The following SRCAP variants were observed in gnomAD, a reference collection of about 807,000 sequenced individuals.
SRCAP encodes chromatin remodeling protein SRCAP.
A neutral mutation model predicts 263.1 loss-of-function variants in SRCAP; 46 were observed. The ratio of observed to expected loss-of-function variants is 0.17; its 90% CI spans 0.14 to 0.22. The LOEUF is 0.22. Ranked by LOEUF, SRCAP falls within the 10% of genes least tolerant of loss-of-function variation. The pLI, the probability that SRCAP is intolerant of heterozygous loss-of-function variation, is 1.00. For missense variants in SRCAP, 3,695 were observed against 4,181.9 expected (o/e 0.88, Z 3.21); for synonymous variants, 1,813 against 1,662.1 (o/e 1.09, Z -2.21).
chr16:30,714,008 C>T (rs2151289376), intron 16 of SRCAP, among the ~76,000 whole-genome samples: 1 of 151,414 alleles, frequency 6.6e-6, no homozygotes, highest in South Asian at 2.1e-4. Flanking sequence ...CACCATTCTC[C>T]TGCCTCAGCC....
At position 30,739,665 on chromosome 16, in the gene SRCAP, C is replaced by T. The variant is rs750009576; in HGVS notation, c.9625C>T (p.Arg3209Cys). ...CAACCAAGGGGACCAGCGCATCCTG[C>T]GCAGCAGCGCCCCTCCCTCCCTGGC... Reference protein sequence around the residue: ...TTNQGDQRILRSSAPPSLAGP... With the variant: ...TTNQGDQRILCSSAPPSLAGP... The change falls in exon 34 of 34, where the codon CGC becomes TGC. Residue 3209 changes from arginine (R) to cysteine (C), a missense_variant. Physicochemically the swap from Arg to Cys is radical, Grantham distance 180. Transcript: ENST00000262518. The T allele has an allele frequency of 4.4e-6, 7 of 1,573,828 alleles. No individual in the cohort carries two copies. Among genetic ancestry groups the T allele is most frequent in the African/African-American group, 2.7e-5 (2 of 73,648 alleles).
rs200175704 is a variant in SRCAP, at chr16:30,723,779, C to T, written c.4355C>T (p.Ser1452Leu). The change falls in exon 25 of 34, where the codon TCG (serine) becomes TTG (leucine). Residue 1452 changes from serine (S) to leucine (L), a missense_variant. Coordinates refer to ENST00000262518, the MANE Select transcript of SRCAP (RefSeq NM_006662.3). Reference protein sequence around the residue: ...SVPTTLPAPASAPLTIPISAP... With the variant: ...SVPTTLPAPALAPLTIPISAP... ...CCCACCACACTTCCTGCCCCAGCCT[C>T]GGCTCCACTCACCATCCCCATCTCA... is the stretch of plus-strand genomic sequence containing the variant. 78 of 1,613,958 alleles carry T rather than the reference C, an allele frequency of 4.8e-5. No homozygotes were observed. The highest frequency in any genetic ancestry group is 9.4e-5 in the African/African-American group (7 of 74,864).
chr16:30,702,949 A>G (rs2052785208), intron 3 of SRCAP, among the ~76,000 whole-genome samples: 1 of 151,852 alleles, frequency 6.6e-6, no homozygotes, highest in Admixed American at 6.6e-5. Flanking sequence ...AACATTGGCT[A>G]TGCCTGCAGC....
intron 30 of SRCAP, chr16:30,734,268 AAG>A (rs2053138703): frequency 1.6e-6 from 1 of 643,956 alleles, no homozygotes; most frequent in Non-Finnish European, 2.6e-6. Flanking sequence ...ACTTGAACCT[AAG>A]AGGCGGAGGT....
At position 30,739,648 on chromosome 16, in the gene SRCAP, G is replaced by T; in HGVS notation, c.9608G>T (p.Gly3203Val). The change falls in exon 34 of 34, where the codon GGG becomes GTG. Residue 3203 changes from glycine (G) to valine (V), a missense_variant. Transcript: ENST00000262518. ...CGGCTTGTTGGGACCACCAACCAAG[G>T]GGACCAGCGCATCCTGCGCAGCAGC... ...PRRLVGTTNQ[G>V]DQRILRSSAP... 6.3e-7 allele frequency: 1 copy of T among 1,589,732 alleles called. No individual in the cohort carries two copies. Among genetic ancestry groups the T allele is most frequent in the East Asian group, 2.3e-5 (1 of 43,438 alleles).
At chr16:30,701,195 A>G (rs2052762272) in intron 3 of SRCAP, 2 of 289,704 alleles carry the variant, frequency 6.9e-6, no homozygotes, top group South Asian at 3.6e-5. Flanking sequence ...GTACTGGAGT[A>G]GGATAAGCCT....
chr16:30,699,349 G>A, intron 1 of SRCAP, 107 bp downstream of exon 1: 1 of 396,204 alleles, frequency 2.5e-6, no homozygotes, highest in Admixed American at 4.4e-5. Context: ...CGGGCCTCCT[G>A]CGGGTTCACA....
Position 30,720,384 on chromosome 16 carries a change from T to C in SRCAP, c.2987+53T>C. The C allele has an allele frequency of 2.5e-6, 4 of 1,576,508 alleles. No homozygotes were observed. The Admixed American group carries it at 5.3e-5, about 21-fold the overall frequency. On this transcript the variant is annotated intron_variant, in intron 19 of 33. Transcript: ENST00000262518. ...GTTCCTAGAATAAGTGGCTGAAAGC[T>C]GCCCAGAGGGGCCTGGGGTGGGAAG...
chr16:30,733,063 C>T lies in SRCAP; in HGVS notation c.6128-217C>T, dbSNP rs1174609212. Among the ~76,000 whole-genome samples the T allele has an allele frequency of 3.3e-5, 5 of 152,088 alleles. No individual in the cohort carries two copies. Among genetic ancestry groups the T allele is most frequent in the African/African-American group, 4.8e-5 (2 of 41,406 alleles). On this transcript the variant is annotated intron_variant, in intron 27 of 33. Coordinates refer to ENST00000262518, the MANE Select transcript of SRCAP (RefSeq NM_006662.3). This position sits in a 1 kb window ranked among gnomAD's most constrained non-coding sequence, Gnocchi z 5.3. ...GTTGGCCAGGCTGGTCTTGAACTCC[C>T]GACTTAAAGTGATCCACCTGCCTCA...
rs761704153 is a variant in SRCAP at position 30,710,969 on chromosome 16, C to T, written c.1229-30C>T. ...TGTCCTGTGCCTCTAGCCTCTATCCCTATTAATCTTGCTTCTGTCTCTTTC... is the reference window on the plus strand; with the variant it reads ...TGTCCTGTGCCTCTAGCCTCTATCCTTATTAATCTTGCTTCTGTCTCTTTC... On this transcript the variant is annotated intron_variant, in intron 9 of 33. Coordinates refer to ENST00000262518, the MANE Select transcript of SRCAP (RefSeq NM_006662.3). 4 of 1,605,916 alleles carry T rather than the reference C, an allele frequency of 2.5e-6. No individual in the cohort carries two copies. The African/African-American group carries it at 4.0e-5, about 16-fold the overall frequency.
At chr16:30,705,026 C>T (rs1374241161) in intron 4 of SRCAP, among the ~76,000 whole-genome samples, 2 of 152,144 alleles carry the variant, frequency 1.3e-5, no homozygotes, top group Non-Finnish European at 2.9e-5. Context: ...CTTTGCCGGG[C>T]GTGGTGGCTC....
At position 30,724,865 on chromosome 16, in the gene SRCAP, A is replaced by T. The variant is rs1385800445; in HGVS notation, c.5441A>T (p.Gln1814Leu). The T allele has an allele frequency of 1.9e-6, 3 of 1,614,002 alleles. No individual in the cohort carries two copies. The highest frequency in any genetic ancestry group is 1.3e-5 in the African/African-American group (1 of 74,912). ...QTLALAPAST[Q>L]SPASQASSLV... The stretch of plus-strand genomic sequence containing the variant: ...TTGGCGCTGGCCCCAGCCTCCACAC[A>T]GTCCCCAGCTTCCCAGGCATCTTCC... The change falls in exon 25 of 34, where the codon CAG becomes CTG. Residue 1814 changes from glutamine to leucine, a missense_variant. Physicochemically the swap from Gln to Leu is moderately radical, Grantham distance 113. This residue lies in a region of SRCAP where 1,347 missense variants were observed against 1,304.4 expected (regional missense o/e 1.03). Coordinates refer to ENST00000262518, the MANE Select transcript of SRCAP (RefSeq NM_006662.3).
Position 30,738,049 on chromosome 16 carries a change from C to T in SRCAP, c.8009C>T (p.Ala2670Val). The T allele has an allele frequency of 6.2e-7, 1 of 1,614,166 alleles. No individual in the cohort carries two copies. The highest frequency in any genetic ancestry group is 2.2e-5 in the East Asian group (1 of 44,894). ...SDEPLQEPLE[A>V]DRTSEELTEA... ...GAGCCACTTCAGGAGCCACTGGAGG[C>T]TGACAGGACCTCGGAAGAGCTGACA... The change falls in exon 34 of 34, where the codon GCT becomes GTT. Residue 2670 changes from alanine (A) to valine (V), a missense_variant. By Grantham distance (64) the Ala-to-Val change is moderately conservative (BLOSUM62 0). Transcript: ENST00000262518.
intron 19 of SRCAP, 103 bp from the exon 20 acceptor site, chr16:30,720,610 G>C: frequency 7.4e-7 from 1 of 1,349,872 alleles, no homozygotes; most frequent in Admixed American, 2.4e-5. Flanking sequence ...CCTTTTCTTT[G>C]CTTTTATAAT....
In SRCAP at chr16:30,700,134, C is replaced by A. The variant is rs185045609; in HGVS notation, c.-210+153C>A. Among the ~76,000 whole-genome samples, 98 of 152,322 alleles carry A rather than the reference C, an allele frequency of 6.4e-4. 1 individual carries two copies. Among genetic ancestry groups the A allele is most frequent in the African/African-American group, 1.9e-3 (78 of 41,562 alleles). Reference sequence around the variant, plus strand: ...TGTAGAGGGTTTGATTATAGTACAACAACAGAACTGAGGCTGTGGGTTGAG... The same window carrying A: ...TGTAGAGGGTTTGATTATAGTACAAAAACAGAACTGAGGCTGTGGGTTGAG... On this transcript the variant is annotated intron_variant, in intron 2 of 33. Transcript: ENST00000262518.
At position 30,722,304 on chromosome 16, in the gene SRCAP, CCT is replaced by C. The variant is rs2053018777; in HGVS notation, c.3706+19_3706+20del. 1.2e-6 allele frequency: 2 copies of C among 1,605,976 alleles called. No individual in the cohort carries two copies. The highest frequency in any genetic ancestry group is 2.2e-5 in the East Asian group (1 of 44,756). Reference sequence around the variant, plus strand: ...GCTGCAAAGTAGGTAAAACCCACCCCCTGTCCTGCCTTTTTCCTCCTCTTCCC... The same window carrying C: ...GCTGCAAAGTAGGTAAAACCCACCCCGTCCTGCCTTTTTCCTCCTCTTCCC... On this transcript the variant is annotated intron_variant, in intron 22 of 33. Transcript: ENST00000262518.
At position 30,738,421 on chromosome 16, in the gene SRCAP, G is replaced by T. The variant is rs768493141; in HGVS notation, c.8381G>T (p.Arg2794Leu). The change falls in exon 34 of 34, where the codon CGC becomes CTC. Residue 2794 changes from arginine (R) to leucine (L), a missense_variant. Arg to Leu is a moderately radical substitution (Grantham distance 102, BLOSUM62 -2). This residue lies in a region of SRCAP where 1,207 missense variants were observed against 1,142.9 expected (regional missense o/e 1.06). Transcript: ENST00000262518. ...GCCAGCCCGGGAAGCCCGTCTGTCC[G>T]CAGCATGTCAGGGCCAGAATCCTCC... ...TSASPGSPSVRSMSGPESSPP... is the reference protein window; with the variant it reads ...TSASPGSPSVLSMSGPESSPP... 5 of 1,553,010 alleles carry T rather than the reference G, an allele frequency of 3.2e-6. No homozygotes were observed. The African/African-American group carries it at 4.1e-5, about 13-fold the overall frequency.
rs1287823435 is a variant in SRCAP, at chr16:30,720,217, A to G, written c.2873A>G (p.Tyr958Cys). The G allele has an allele frequency of 6.2e-7, 1 of 1,613,982 alleles. No homozygotes were observed. The highest frequency in any genetic ancestry group is 8.5e-7 in the Non-Finnish European group (1 of 1,179,978). The part of the protein sequence containing the change: ...LIGLEGRVSR[Y>C]EADTFLPRHR... ...GGCCTGGAAGGTCGTGTCTCTCGATATGAGGCAGACACATTTCTGCCCCGG... is the reference window on the plus strand; with the variant it reads ...GGCCTGGAAGGTCGTGTCTCTCGATGTGAGGCAGACACATTTCTGCCCCGG... Residue 958 changes from tyrosine to cysteine, a missense_variant, in exon 19 of 34, where the codon TAT becomes TGT. By Grantham distance (194) the Tyr-to-Cys change is radical (BLOSUM62 -2). Coordinates refer to ENST00000262518, the MANE Select transcript of SRCAP (RefSeq NM_006662.3).
In SRCAP at chr16:30,722,717, T is replaced by A; in HGVS notation, c.3861T>A (p.Thr1287=). 5.0e-6 allele frequency: 8 copies of A among 1,613,218 alleles called. No homozygotes were observed. The highest frequency in any genetic ancestry group is 6.8e-6 in the Non-Finnish European group (8 of 1,179,558). The change falls in exon 23 of 34, where the codon ACT becomes ACA. Residue 1287 remains threonine (T), a synonymous_variant. Coordinates refer to ENST00000262518, the MANE Select transcript of SRCAP (RefSeq NM_006662.3). ...CCCCCAGCACCACCCCTGCCCCTAC[T>A]GGCCTCAGCCTTCCGCTTGCTGCTA... is the stretch of plus-strand genomic sequence containing the variant. ...SSTPSTTPAP[T]GLSLPLAANQ...
Sources: gnomAD v4.1 joint callset for allele counts (sites outside exome capture counted in the v4.1 genomes callset) on GRCh38, gnomAD v4.1.1 for gene constraint, gnomAD v4.1.1 regional missense constraint, Gnocchi (gnomAD v3.1) non-coding constraint, MANE v1.5 for transcripts, NCBI Gene and HGNC (gene_info 2026-07-23, HGNC 2026-07-21) for gene names.